The following USP47 variants were observed in gnomAD, a reference collection of about 807,000 sequenced individuals.
USP47 encodes ubiquitin specific peptidase 47.
In USP47, 35 loss-of-function variants were observed where a neutral mutation model predicts 165.1. The ratio of observed to expected loss-of-function variants is 0.21; its 90% CI spans 0.16 to 0.28. The LOEUF is 0.28. Among genes scored for constraint, USP47 ranks in the 10% least tolerant of loss-of-function variants. The probability of loss-of-function intolerance (pLI) is 1.00; values close to 1 mark genes in which losing one functional copy is unlikely to be tolerated. For synonymous variants in USP47, 531 were observed against 544.5 expected (o/e 0.98, Z 0.35); for missense variants, 1,277 against 1,607.4 (o/e 0.79, Z 3.52).
At chr11:11,895,943 T>A (rs1054368079) in intron 4 of USP47, among the ~76,000 whole-genome samples, 2 of 152,240 alleles carry the variant, frequency 1.3e-5, no homozygotes, top group Non-Finnish European at 2.9e-5. Context: ...GATTCATAAC[T>A]ATTTCAGATG....
chr11:11,891,932 G>T, intron 3 of USP47, 36 bp from the exon 4 acceptor site: 1 of 1,593,400 alleles, frequency 6.3e-7, no homozygotes, highest in Non-Finnish European at 8.6e-7. Flanking sequence ...AGCAACATTT[G>T]CTATTTACTA....
intron 19 of USP47, among the ~76,000 whole-genome samples, chr11:11,941,222 C>A (rs1376111362): frequency 5.9e-5 from 9 of 151,858 alleles, no homozygotes; most frequent in Non-Finnish European, 1.2e-4. Flanking sequence ...ACCTACACTT[C>A]TAAAACTTTT....
intron 18 of USP47, among the ~76,000 whole-genome samples, chr11:11,939,694 C>T (rs1311562487): frequency 6.6e-6 from 1 of 151,726 alleles, no homozygotes; most frequent in African/African-American, 2.4e-5. Flanking sequence ...AAGAAAGAGA[C>T]ACAGTAGTTT....
chr11:11,865,513 A>G (rs1296684881), intron 1 of USP47, among the ~76,000 whole-genome samples: 1 of 151,752 alleles, frequency 6.6e-6, no homozygotes, highest in Non-Finnish European at 1.5e-5. Flanking sequence ...TCAGGCGTTT[A>G]GTAATTGCTT....
chr11:11,890,503 C>T (rs186395942), intron 3 of USP47, among the ~76,000 whole-genome samples: 19 of 152,312 alleles, frequency 1.2e-4, no homozygotes, highest in Non-Finnish European at 2.1e-4. Flanking sequence ...TACCATCCCA[C>T]ACCTGTCAGA....
At chr11:11,941,059 CTCT>C (rs1855433600) in intron 19 of USP47, among the ~76,000 whole-genome samples, 1 of 151,802 alleles carries the variant, frequency 6.6e-6, no homozygotes, top group South Asian at 2.1e-4. Flanking sequence ...CATGTTAATC[CTCT>C]TCTTTTGTCT....
At chr11:11,873,768 T>A (rs911269414) in intron 1 of USP47, 4 of 1,250,330 alleles carry the variant, frequency 3.2e-6, no homozygotes, top group Admixed American at 3.1e-5. Context: ...ATATAAATAA[T>A]TTGTAATTCA....
chr11:11,849,182 C>T lies in USP47; in HGVS notation c.39+6958C>T, dbSNP rs1032323866. ...CCTCCCAAAGTACTAGGGCTATAGG[C>T]GTGAGCCACCATGCCCAGCCTGTAT... On this transcript the variant is annotated intron_variant, in intron 1 of 27. Transcript: ENST00000527733. 3.9e-5 allele frequency among the ~76,000 whole-genome samples: 6 copies of T among 152,284 alleles called. No individual in the cohort carries two copies. The East Asian group carries it at 7.7e-4, about 20-fold the overall frequency.
chr11:11,950,614 C>A, intron 24 of USP47, 132 bp downstream of exon 24: 1 of 648,608 alleles, frequency 1.5e-6, no homozygotes, highest in Non-Finnish European at 2.6e-6. Flanking sequence ...TTATATTAAG[C>A]ATAACGATAT....
intron 8 of USP47, among the ~76,000 whole-genome samples, chr11:11,916,655 G>GAA (rs200819838): frequency 6.7e-6 from 1 of 148,932 alleles, no homozygotes; most frequent in African/African-American, 2.5e-5. Context: ...AAGGATCTCA[G>GAA]AAAAAAAAAA....
At chr11:11,863,641 ATTGGACATCT>A (rs1849504680) in intron 1 of USP47, among the ~76,000 whole-genome samples, 1 of 152,198 alleles carries the variant, frequency 6.6e-6, no homozygotes, top group Non-Finnish European at 1.5e-5. Flanking sequence ...TATTTAGGAA[ATTGGACATCT>A]TTATTTAAAT....
intron 3 of USP47, among the ~76,000 whole-genome samples, 177 bp from the exon 4 acceptor site, chr11:11,891,791 A>G (rs1202630602): frequency 2.0e-5 from 3 of 152,236 alleles, no homozygotes; most frequent in African/African-American, 4.8e-5. Flanking sequence ...ATCTTCTCTC[A>G]TGTAAACAGA....
rs370810608 is a variant in USP47, at chr11:11,936,382, G to A, written c.1949G>A (p.Arg650Gln). ...KYDEFHDYLE[R>Q]SYEGEEDTPM... ...GATGAGTTTCATGATTATCTAGAACGGTCATATGAAGGAGAAGAAGATACA... is the reference window on the plus strand; with the variant it reads ...GATGAGTTTCATGATTATCTAGAACAGTCATATGAAGGAGAAGAAGATACA... Residue 650 changes from arginine to glutamine, a missense_variant, in exon 17 of 28, where the codon CGG becomes CAG. Arg to Gln is a conservative substitution (Grantham distance 43, BLOSUM62 1). Transcript: ENST00000527733. The A allele has an allele frequency of 3.7e-6, 6 of 1,610,016 alleles. No homozygotes were observed. Among genetic ancestry groups the A allele is most frequent in the Admixed American group, 1.7e-5 (1 of 59,764 alleles).
chr11:11,884,995 T>TC (rs1851062644), intron 3 of USP47, among the ~76,000 whole-genome samples: 1 of 152,218 alleles, frequency 6.6e-6, no homozygotes. Flanking sequence ...GTCATTTCCG[T>TC]TCTCACTTCC....
chr11:11,902,559 C>T (rs1213833832), intron 5 of USP47, among the ~76,000 whole-genome samples, 156 bp from the exon 6 acceptor site: 1 of 152,156 alleles, frequency 6.6e-6, no homozygotes, highest in East Asian at 1.9e-4. Context: ...TAGGGAAACA[C>T]TAATGTTTCA....
chr11:11,883,296 G>A (rs1438315015), intron 2 of USP47, among the ~76,000 whole-genome samples: 5 of 152,120 alleles, frequency 3.3e-5, no homozygotes, highest in East Asian at 1.9e-4. Flanking sequence ...TACTTAACAC[G>A]TCTTTTGCAC....
At chr11:11,925,242 G>A (rs1322728958) in intron 11 of USP47, among the ~76,000 whole-genome samples, 1 of 151,816 alleles carries the variant, frequency 6.6e-6, no homozygotes, top group Non-Finnish European at 1.5e-5. Context: ...TGAGTAGCTG[G>A]AACTACAGGC....
intron 8 of USP47, among the ~76,000 whole-genome samples, chr11:11,910,222 A>G (rs1247364293): frequency 1.3e-5 from 2 of 152,164 alleles, no homozygotes; most frequent in African/African-American, 4.8e-5. Flanking sequence ...GGTGGAGAGA[A>G]GGCATACACA....
At chr11:11,941,409 A>C (rs369121501) in intron 19 of USP47, among the ~76,000 whole-genome samples, 1 of 152,170 alleles carries the variant, frequency 6.6e-6, no homozygotes, top group East Asian at 1.9e-4. Flanking sequence ...TAGGATAATG[A>C]TAGTGTTATC....
Sources: gnomAD v4.1 joint callset for allele counts (sites outside exome capture counted in the v4.1 genomes callset) on GRCh38, gnomAD v4.1.1 for gene constraint, MANE v1.5 for transcripts, NCBI Gene and HGNC (gene_info 2026-07-23, HGNC 2026-07-21) for gene names.